Variants in LRRTM4 observed in about 807,000 individuals in gnomAD.
The protein encoded by LRRTM4 is leucine-rich repeat transmembrane neuronal protein 4.
Under a neutral mutation model 47.6 loss-of-function variants are expected in LRRTM4, and 25 were observed. That is an observed-to-expected ratio of 0.53 (90% CI 0.38 to 0.73). The LOEUF is 0.73. LRRTM4 is among the 30% of genes least tolerant of loss of function. LRRTM4 has a pLI of 0.00. For missense variants in LRRTM4, 638 were observed against 713.4 expected, an observed-to-expected ratio of 0.89 and a Z score of 1.20; for synonymous variants, 311 against 269.5, an observed-to-expected ratio of 1.15 and a Z score of -1.51.
chr2:76,967,455 A>G (rs910444808), intron 3 of LRRTM4, among the ~76,000 whole-genome samples: 2 of 151,552 alleles, frequency 1.3e-5, no homozygotes, highest in African/African-American at 4.8e-5. Flanking sequence ...AAGGTCACTC[A>G]GTGATCCTCC....
chr2:76,911,181 G>A (rs1351758769), intron 3 of LRRTM4, among the ~76,000 whole-genome samples: 1 of 152,158 alleles, frequency 6.6e-6, no homozygotes, highest in African/African-American at 2.4e-5. Context: ...TAAGGGTCAG[G>A]CAGGTACCGA....
At chr2:77,033,968 T>C (rs1044009611) in intron 3 of LRRTM4, among the ~76,000 whole-genome samples, 6 of 151,842 alleles carry the variant, frequency 4.0e-5, no homozygotes, top group Admixed American at 2.6e-4. Flanking sequence ...GAAACTATAA[T>C]ACAATCAAGA....
intron 3 of LRRTM4, among the ~76,000 whole-genome samples, chr2:77,187,479 TG>T: frequency 2.4e-5 from 1 of 42,484 alleles, no homozygotes; most frequent in African/African-American, 9.6e-5. Flanking sequence ...TGTTGTGGGG[TG>T]GGGGGAGGGA....
chr2:77,333,204 G>A (rs922957259), intron 3 of LRRTM4, among the ~76,000 whole-genome samples: 1 of 152,172 alleles, frequency 6.6e-6, no homozygotes, highest in African/African-American at 2.4e-5. Flanking sequence ...TGTCTTAACA[G>A]CAGAGTGAAA....
rs998342975 is a variant in LRRTM4 at position 77,056,145 on chromosome 2, C to G, written c.1552-307229G>C. Among the ~76,000 whole-genome samples, 42 of 151,200 alleles carry G rather than the reference C, an allele frequency of 2.8e-4. 1 individual carries two copies. Among genetic ancestry groups the G allele is most frequent in the Admixed American group, 1.1e-3 (17 of 15,166 alleles). On this transcript the variant is annotated intron_variant, in intron 3 of 3. Transcript: ENST00000409884. Reference sequence around the variant, plus strand: ...GCATGGCACATGTATACATATGTAACAAACCTGCACATTGTGCACATGTAC... The same window carrying G: ...GCATGGCACATGTATACATATGTAAGAAACCTGCACATTGTGCACATGTAC...
chr2:76,824,911 A>T (rs1228621625), intron 3 of LRRTM4, among the ~76,000 whole-genome samples: 2 of 151,634 alleles, frequency 1.3e-5, no homozygotes, highest in Admixed American at 1.3e-4. Flanking sequence ...ATTTCACAGC[A>T]TACATCTAGT....
intron 3 of LRRTM4, among the ~76,000 whole-genome samples, chr2:76,790,284 G>A (rs1488905067): frequency 7.9e-5 from 12 of 152,104 alleles, no homozygotes; most frequent in Non-Finnish European, 1.6e-4. Context: ...GGGATATGGT[G>A]CAGGATCTTC....
At chr2:77,072,800 CAAAAAAA>C (rs373786120) in intron 3 of LRRTM4, among the ~76,000 whole-genome samples, 3 of 78,742 alleles carry the variant, frequency 3.8e-5, no homozygotes, top group Non-Finnish European at 6.9e-5. Flanking sequence ...CTCCGTCTTC[CAAAAAAA>C]AAAAAAAAAA....
intron 3 of LRRTM4, among the ~76,000 whole-genome samples, chr2:77,216,799 G>A (rs376398822): frequency 3.9e-5 from 6 of 151,904 alleles, no homozygotes; most frequent in East Asian, 3.9e-4. Flanking sequence ...AAGGCTGGGC[G>A]CGGTGGCTCA....
chr2:77,020,081 A>G (rs1678213190), intron 3 of LRRTM4, among the ~76,000 whole-genome samples: 1 of 152,130 alleles, frequency 6.6e-6, no homozygotes. Context: ...TGTGTCTAGG[A>G]TAGATATTAT....
At chr2:76,910,802 TTTTTC>T (rs1357155293) in intron 3 of LRRTM4, among the ~76,000 whole-genome samples, 1 of 152,222 alleles carries the variant, frequency 6.6e-6, no homozygotes, top group African/African-American at 2.4e-5. Flanking sequence ...GTTTCTCTTA[TTTTTC>T]TTTTAACATT....
chr2:76,965,471 C>A (rs1259302682), intron 3 of LRRTM4, among the ~76,000 whole-genome samples: 2 of 151,234 alleles, frequency 1.3e-5, no homozygotes, highest in African/African-American at 2.4e-5. Flanking sequence ...TAATTGATAT[C>A]TTTGATGAGC....
intron 3 of LRRTM4, among the ~76,000 whole-genome samples, chr2:77,304,798 A>G (rs1357483492): frequency 1.3e-5 from 2 of 152,132 alleles, no homozygotes; most frequent in African/African-American, 4.8e-5. Flanking sequence ...CATTTTACAT[A>G]TAAGTAAATT....
intron 3 of LRRTM4, among the ~76,000 whole-genome samples, chr2:77,470,149 T>G (rs370890101): frequency 3.3e-5 from 5 of 152,158 alleles, no homozygotes; most frequent in Non-Finnish European, 7.4e-5. Context: ...GGAAAACCAC[T>G]TCAAAAATGC....
At chr2:76,919,909 G>A (rs1252593557) in intron 3 of LRRTM4, among the ~76,000 whole-genome samples, 3 of 152,086 alleles carry the variant, frequency 2.0e-5, no homozygotes, top group African/African-American at 4.8e-5. Context: ...TGCAACAGCT[G>A]CAATATTCCT....
chr2:77,147,141 C>T (rs1672280311), intron 3 of LRRTM4, among the ~76,000 whole-genome samples: 1 of 152,082 alleles, frequency 6.6e-6, no homozygotes, highest in Non-Finnish European at 1.5e-5. Flanking sequence ...AATCTCTAAG[C>T]ATACAAAGCT....
intron 3 of LRRTM4, among the ~76,000 whole-genome samples, chr2:77,037,228 T>C (rs13033902): frequency 0.25 from 38,546 of 151,652 alleles, 5,105 homozygotes; most frequent in East Asian, 0.42. Context: ...TCACGGATCC[T>C]GGTTTTCCAA....
intron 3 of LRRTM4, among the ~76,000 whole-genome samples, chr2:76,962,432 C>A (rs1182997693): frequency 6.6e-6 from 1 of 150,810 alleles, no homozygotes. Flanking sequence ...AATATACTAT[C>A]TAGATAAACG....
At chr2:76,937,802 G>A (rs538759872) in intron 3 of LRRTM4, among the ~76,000 whole-genome samples, 3 of 152,152 alleles carry the variant, frequency 2.0e-5, no homozygotes, top group South Asian at 2.1e-4. Context: ...TCGTGATCTC[G>A]TGATCCGCCC....
Sources: allele counts gnomAD v4.1 joint callset (sites outside exome capture counted in the v4.1 genomes callset), GRCh38; gene constraint gnomAD v4.1.1; transcripts MANE v1.5; gene names NCBI Gene and HGNC (gene_info 2026-07-23, HGNC 2026-07-21).